Variants in FRMPD4 observed in about 807,000 individuals in gnomAD.
FRMPD4 encodes FERM and PDZ domain containing 4.
In FRMPD4, 22 loss-of-function variants were observed where a neutral mutation model predicts 94.1. The ratio of observed to expected loss-of-function variants is 0.23; its 90% CI spans 0.17 to 0.33. FRMPD4 has a LOEUF of 0.33. Ranked by LOEUF, FRMPD4 falls within the 10% of genes least tolerant of loss-of-function variation. FRMPD4 has a pLI of 1.00. For synonymous variants in FRMPD4, 631 were observed against 548.6 expected (o/e 1.15, Z -2.10); for missense variants, 1,111 against 1,339.9 (o/e 0.83, Z 2.67).
At chrX:12,672,655 T>C (rs991761448) in intron 4 of FRMPD4, among the ~76,000 whole-genome samples, 10 of 111,682 alleles carry the variant, frequency 9.0e-5, no homozygotes, top group Non-Finnish European at 1.3e-4. Context: ...GTGGGAATGA[T>C]TGGCATGTAT....
chrX:12,702,473 T>A (rs1425414876), intron 10 of FRMPD4, among the ~76,000 whole-genome samples: 1 of 112,015 alleles, frequency 8.9e-6, no homozygotes, highest in Non-Finnish European at 1.9e-5. Flanking sequence ...ATAGATTGTG[T>A]GATGGGTTGA....
intron 3 of FRMPD4, among the ~76,000 whole-genome samples, chrX:12,085,973 C>T (rs1170248960): frequency 1.8e-5 from 2 of 112,178 alleles, no homozygotes; most frequent in Non-Finnish European, 3.8e-5. Context: ...GAAAAACACT[C>T]TTAAACCTAT....
At chrX:12,501,578 AAATT>A (rs1320970191) in intron 2 of FRMPD4, among the ~76,000 whole-genome samples, 1 of 111,107 alleles carries the variant, frequency 9.0e-6, no homozygotes, top group Admixed American at 9.5e-5. Context: ...TACAATTTGA[AAATT>A]AATCTATGGT....
intron 3 of FRMPD4, among the ~76,000 whole-genome samples, chrX:12,022,777 A>G (rs1286996287): frequency 9.0e-6 from 1 of 110,635 alleles, no homozygotes; most frequent in Non-Finnish European, 1.9e-5. Context: ...TTTATCTCAA[A>G]CTTCTTATAA....
intron 2 of FRMPD4, among the ~76,000 whole-genome samples, chrX:12,553,302 T>A (rs2058557515): frequency 9.2e-6 from 1 of 108,121 alleles, no homozygotes; most frequent in Admixed American, 1.0e-4. Flanking sequence ...AGCTTGCCAA[T>A]GGTATATAGA....
intron 1 of FRMPD4, among the ~76,000 whole-genome samples, chrX:12,318,815 CA>C (rs2055164030): frequency 9.2e-6 from 1 of 108,556 alleles, no homozygotes; most frequent in Non-Finnish European, 1.9e-5. Context: ...ATGTTGCAGG[CA>C]AAAAATATTT....
chrX:12,270,600 CAT>C (rs913050649), intron 1 of FRMPD4, among the ~76,000 whole-genome samples: 11 of 111,606 alleles, frequency 9.9e-5, no homozygotes, highest in African/African-American at 3.3e-4. Flanking sequence ...TAGATATATA[CAT>C]ATATGTGTGT....
intron 4 of FRMPD4, among the ~76,000 whole-genome samples, chrX:12,635,398 A>G (rs2059434493): frequency 9.0e-6 from 1 of 111,025 alleles, no homozygotes; most frequent in Admixed American, 9.6e-5. Flanking sequence ...CTTCTTTTTC[A>G]GGAGAGCTTT....
At chrX:12,486,401 T>C (rs1480341162) in intron 1 of FRMPD4, among the ~76,000 whole-genome samples, 1 of 112,364 alleles carries the variant, frequency 8.9e-6, no homozygotes, top group Non-Finnish European at 1.9e-5. Context: ...GAGGCCCTGC[T>C]ATAAGGGGCA....
intron 3 of FRMPD4, among the ~76,000 whole-genome samples, chrX:12,066,939 G>A (rs1005174562): frequency 8.6e-5 from 9 of 104,647 alleles, no homozygotes; most frequent in African/African-American, 3.2e-4. Context: ...GTGTGATCTC[G>A]CCTCACTGAA....
At chrX:12,598,251 A>G (rs1195641901) in intron 2 of FRMPD4, among the ~76,000 whole-genome samples, 1 of 110,223 alleles carries the variant, frequency 9.1e-6, no homozygotes, top group Non-Finnish European at 1.9e-5. Flanking sequence ...CACCTACTAG[A>G]TTTCTCCATG....
chrX:12,011,252 A>G (rs760343498), intron 3 of FRMPD4, among the ~76,000 whole-genome samples: 5 of 112,047 alleles, frequency 4.5e-5, no homozygotes, highest in Admixed American at 3.8e-4. Context: ...GCTGCTTCAC[A>G]CATTACTCAT....
intron 3 of FRMPD4, among the ~76,000 whole-genome samples, chrX:12,043,333 C>T (rs1158471453): frequency 9.0e-6 from 1 of 110,981 alleles, no homozygotes; most frequent in African/African-American, 3.3e-5. Context: ...ATAAATCAAA[C>T]AATAAGATAA....
intron 3 of FRMPD4, among the ~76,000 whole-genome samples, chrX:12,090,142 A>G (rs874601): frequency 0.13 from 13,978 of 110,927 alleles, 962 homozygotes; most frequent in East Asian, 0.29. Flanking sequence ...GTAATCGCCA[A>G]AATTGGAGGT....
chrX:12,408,598 T>TA (rs1313449842), intron 1 of FRMPD4, among the ~76,000 whole-genome samples: 1 of 110,843 alleles, frequency 9.0e-6, no homozygotes, highest in Non-Finnish European at 1.9e-5. Flanking sequence ...ATCTACTGAG[T>TA]ATGAGTAAGG....
In FRMPD4 at chrX:12,056,623, T is replaced by A. The variant is rs149989340; in HGVS notation, c.95+178605T>A. On this transcript the variant is annotated intron_variant, in intron 3 of 18. Transcript: ENST00000640291. ...AAGGTCAAAGAGAAACTTTTGCTTT[T>A]CAGAGTGCTTTTGAGGCTTTCATTT... is the stretch of plus-strand genomic sequence containing the variant. 7.0e-3 allele frequency among the ~76,000 whole-genome samples: 779 copies of A among 111,490 alleles called. 12 individuals are homozygous for A. Among genetic ancestry groups the A allele is most frequent in the African/African-American group, 0.024 (730 of 30,633 alleles).
intron 9 of FRMPD4, among the ~76,000 whole-genome samples, chrX:12,697,235 A>C (rs2060142334): frequency 2.7e-5 from 3 of 112,099 alleles, no homozygotes; most frequent in Non-Finnish European, 5.6e-5. Context: ...CTTGTCAACA[A>C]TATCTCCTTG....
At chrX:12,398,018 C>T (rs1365078472) in intron 1 of FRMPD4, among the ~76,000 whole-genome samples, 2 of 111,248 alleles carry the variant, frequency 1.8e-5, no homozygotes, top group Non-Finnish European at 3.8e-5. Context: ...TGATGATTCT[C>T]CTATCACTGG....
rs192984150 is a variant in FRMPD4 at position 12,526,194 on chromosome X, G to C, written c.158+27398G>C. Among the ~76,000 whole-genome samples, 195 of 112,235 alleles carry C rather than the reference G, an allele frequency of 1.7e-3. 1 individual carries two copies. The highest frequency in any genetic ancestry group is 6.9e-4 in the Non-Finnish European group (37 of 53,251). On this transcript the variant is annotated intron_variant, in intron 2 of 16. Coordinates refer to ENST00000675598, the MANE Select transcript of FRMPD4 (RefSeq NM_001368397.1). ...GTATAGCCATCTGCAGGCTCCCCTGGTGGGTTTGTTCCCTTGGTGTGACCA... is the reference window on the plus strand; with the variant it reads ...GTATAGCCATCTGCAGGCTCCCCTGCTGGGTTTGTTCCCTTGGTGTGACCA...
Sources: gnomAD v4.1 joint callset for allele counts (sites outside exome capture counted in the v4.1 genomes callset) on GRCh38, gnomAD v4.1.1 for gene constraint, MANE v1.5 for transcripts, NCBI Gene and HGNC (gene_info 2026-07-23, HGNC 2026-07-21) for gene names.